Variants in EVA1C observed in about 807,000 individuals in gnomAD.
The protein encoded by EVA1C is protein eva-1 homolog C.
Under a neutral mutation model 45.4 loss-of-function variants are expected in EVA1C, and 25 were observed. The observed-to-expected ratio is 0.55, with a 90% CI of 0.40 to 0.77. EVA1C has a LOEUF of 0.77. Ranked by LOEUF, EVA1C falls within the 30% of genes least tolerant of loss-of-function variation. The probability of loss-of-function intolerance (pLI) is 0.00; values close to 1 mark genes in which losing one functional copy is unlikely to be tolerated. For synonymous variants in EVA1C, 190 were observed against 221.2 expected, an observed-to-expected ratio of 0.86 and a Z score of 1.25; for missense variants, 479 against 554.8, an observed-to-expected ratio of 0.86 and a Z score of 1.37.
chr21:32,515,058 T>C lies in EVA1C; in HGVS notation c.1194T>C (p.Tyr398=), dbSNP rs892277563. The change falls in exon 8 of 8, where the codon TAT becomes TAC. Residue 398 remains tyrosine (Y), a synonymous_variant. Coordinates refer to ENST00000300255, the MANE Select transcript of EVA1C (RefSeq NM_058187.5). ...TGTCGGGGTTCTGTAGGACTTCATA[T>C]CCTATATACAGTTCCATAGAAGCTG... ...GELSGFCRTS[Y]PIYSSIEAAE... 1 of 1,614,082 alleles carries C rather than the reference T, an allele frequency of 6.2e-7. No individual in the cohort carries two copies.
chr21:32,448,586 T>C (rs1014406045), intron 1 of EVA1C, among the ~76,000 whole-genome samples: 17 of 151,900 alleles, frequency 1.1e-4, no homozygotes, highest in African/African-American at 4.1e-4. Context: ...ATAGACTTAA[T>C]GTGTTAGAGA....
intron 4 of EVA1C, among the ~76,000 whole-genome samples, chr21:32,492,552 G>A (rs368396956): frequency 1.3e-5 from 2 of 151,932 alleles, no homozygotes; most frequent in South Asian, 4.2e-4. Context: ...GTGTGGCTGG[G>A]GTCCCTGCCC....
Position 32,501,498 on chromosome 21 carries a change from A to C in EVA1C, c.859+3A>C. 1 of 1,595,014 alleles carries C rather than the reference A, an allele frequency of 6.3e-7. No individual in the cohort carries two copies. The highest frequency in any genetic ancestry group is 8.5e-7 in the Non-Finnish European group (1 of 1,178,388). On this transcript the variant is annotated splice_donor_region_variant and intron_variant, in intron 6 of 7. Coordinates refer to ENST00000300255, the MANE Select transcript of EVA1C (RefSeq NM_058187.5). Reference sequence around the variant, plus strand: ...GAAGCAGAAAGATGGTGAATATGGTAATTTTTATGGCTTACTACCAGCATT... The same window carrying C: ...GAAGCAGAAAGATGGTGAATATGGTCATTTTTATGGCTTACTACCAGCATT...
At chr21:32,476,763 C>T (rs925090906) in intron 4 of EVA1C, among the ~76,000 whole-genome samples, 13 of 152,210 alleles carry the variant, frequency 8.5e-5, no homozygotes, top group African/African-American at 2.2e-4. Flanking sequence ...CAGGGCTGCC[C>T]GAGGCCTGGC....
At chr21:32,440,490 G>C (rs1434953759) in intron 1 of EVA1C, among the ~76,000 whole-genome samples, 3 of 152,180 alleles carry the variant, frequency 2.0e-5, no homozygotes, top group African/African-American at 7.2e-5. Flanking sequence ...GGTTGAAAAG[G>C]CATGAAGAAG....
chr21:32,513,038 A>G (rs182176354), intron 7 of EVA1C, among the ~76,000 whole-genome samples: 5 of 149,772 alleles, frequency 3.3e-5, no homozygotes, highest in African/African-American at 1.0e-4. Context: ...CAATAATATA[A>G]TAAGCATTAT....
At chr21:32,498,667 A>ATGCACACTAGC (rs372999298) in intron 5 of EVA1C, among the ~76,000 whole-genome samples, 1,539 of 152,124 alleles carry the variant, frequency 0.01, 25 homozygotes, top group African/African-American at 0.036. Flanking sequence ...ACACTAGGGT[A>ATGCACACTAGC]TGCACACTAG....
intron 6 of EVA1C, among the ~76,000 whole-genome samples, chr21:32,501,984 TTTTC>T (rs563785580): frequency 0.12 from 14,020 of 120,262 alleles, 954 homozygotes; most frequent in East Asian, 0.14. Context: ...TCTCTCGCTC[TTTTC>T]TTTCTTTCTT....
At chr21:32,472,405 C>T (rs550775467) in intron 4 of EVA1C, among the ~76,000 whole-genome samples, 12 of 152,228 alleles carry the variant, frequency 7.9e-5, no homozygotes, top group South Asian at 2.1e-4. Flanking sequence ...GTGATCCACC[C>T]GCCTTGGCCT....
chr21:32,502,033 TTTCTTTC>T lies in EVA1C; in HGVS notation c.859+541_859+547del, dbSNP rs1216201318. ...CTTTCTTTCTTTCTTTCTTTCTTTC[TTTCTTTC>T]TTTCTTTCTTTCTTCTTTCTTTCTT... On this transcript the variant is annotated intron_variant, in intron 6 of 7. Transcript: ENST00000300255. Among the ~76,000 whole-genome samples, 271 of 115,868 alleles carry T rather than the reference TTTCTTTC, an allele frequency of 2.3e-3. 4 individuals are homozygous for T. The highest frequency in any genetic ancestry group is 8.4e-3 in the African/African-American group (260 of 30,970). 76.0% of individuals were successfully genotyped at this position (115,868 alleles called of 152,430 possible). A position where few individuals can be genotyped will look rare whatever the true frequency, so the allele number is the denominator to read the frequency against.
At chr21:32,427,179 A>G (rs780118475) in intron 1 of EVA1C, among the ~76,000 whole-genome samples, 12 of 152,212 alleles carry the variant, frequency 7.9e-5, no homozygotes, top group Non-Finnish European at 1.6e-4. Context: ...CACCCTTTTA[A>G]TAAAAAGGCA....
At chr21:32,430,835 T>C (rs1228901079) in intron 1 of EVA1C, among the ~76,000 whole-genome samples, 1 of 151,986 alleles carries the variant, frequency 6.6e-6, no homozygotes, top group Non-Finnish European at 1.5e-5. Flanking sequence ...TAGCCAGGCG[T>C]GATGGCTCAT....
At position 32,515,040 on chromosome 21, in the gene EVA1C, G is replaced by A. The variant is rs2038093411; in HGVS notation, c.1176G>A (p.Gly392=). ...CTGATTTCCCAGGGGAACTGTCGGG[G>A]TTCTGTAGGACTTCATATCCTATAT... ...SESDFPGELS[G]FCRTSYPIYS... is the part of the protein sequence containing the mutation. The change falls in exon 8 of 8, where the codon GGG becomes GGA. Residue 392 remains glycine (G), a synonymous_variant. Transcript: ENST00000300255. 1.2e-6 allele frequency: 2 copies of A among 1,614,154 alleles called. No homozygotes were observed.
intron 7 of EVA1C, among the ~76,000 whole-genome samples, chr21:32,509,255 G>T (rs2037869432): frequency 6.6e-6 from 1 of 152,218 alleles, no homozygotes. Context: ...TGATTCAGAT[G>T]ACTAGGAAGC....
chr21:32,475,879 T>TTATC (rs10661334), intron 4 of EVA1C, among the ~76,000 whole-genome samples: 35,372 of 99,748 alleles, frequency 0.35, 4,419 homozygotes, highest in South Asian at 0.39. Flanking sequence ...TCTAAAAACT[T>TTATC]TATCTATCTA....
chr21:32,442,641 C>T (rs997078405), intron 1 of EVA1C, among the ~76,000 whole-genome samples: 2 of 148,438 alleles, frequency 1.3e-5, no homozygotes, highest in Non-Finnish European at 3.0e-5. Context: ...AAAGCATTAA[C>T]CAAGTGGAGG....
intron 4 of EVA1C, among the ~76,000 whole-genome samples, chr21:32,473,326 C>T (rs1400582919): frequency 6.6e-6 from 1 of 152,238 alleles, no homozygotes. Context: ...CTTCTCCCTG[C>T]TACTGCCTTA....
chr21:32,484,959 G>T (rs778039570), intron 4 of EVA1C, among the ~76,000 whole-genome samples: 7 of 151,730 alleles, frequency 4.6e-5, no homozygotes, highest in Non-Finnish European at 8.8e-5. Context: ...TTTTTTTACT[G>T]CACAAGCATT....
chr21:32,478,069 A>C (rs1208461433), intron 4 of EVA1C, among the ~76,000 whole-genome samples: 1 of 148,376 alleles, frequency 6.7e-6, no homozygotes, highest in Admixed American at 6.8e-5. Context: ...CACGAATTCC[A>C]AGAGATGAGC....
Sources: gnomAD v4.1 joint callset for allele counts (sites outside exome capture counted in the v4.1 genomes callset) on GRCh38, gnomAD v4.1.1 for gene constraint, MANE v1.5 for transcripts, NCBI Gene and HGNC (gene_info 2026-07-23, HGNC 2026-07-21) for gene names.